ERP44: variants seen among roughly 807,000 people sequenced by gnomAD.
ERP44 encodes endoplasmic reticulum protein 44, also known as endoplasmic reticulum resident protein 44.
ERP44 carries 25 observed loss-of-function variants against 53.4 expected under a neutral mutation model. The ratio of observed to expected loss-of-function variants is 0.47; its 90% CI spans 0.34 to 0.65. The LOEUF (loss-of-function observed/expected upper bound fraction) is 0.65, where lower values mean the gene tolerates loss of function less well. Ranked by LOEUF, ERP44 falls within the 30% of genes least tolerant of loss-of-function variation. ERP44 has a pLI of 0.01. For synonymous variants in ERP44, 145 were observed against 161.2 expected (o/e 0.90, Z 0.76); for missense variants, 338 against 493.2 (o/e 0.69, Z 2.98).
At chr9:100,029,244 A>C (rs955399642) in intron 4 of ERP44, among the ~76,000 whole-genome samples, 8 of 152,240 alleles carry the variant, frequency 5.3e-5, no homozygotes, top group African/African-American at 1.9e-4. Flanking sequence ...CAGAGTGAAG[A>C]GGCAACCTGA....
chr9:100,097,069 T>C (rs1826641172), intron 1 of ERP44, among the ~76,000 whole-genome samples: 1 of 152,202 alleles, frequency 6.6e-6, no homozygotes, highest in Admixed American at 6.5e-5. Flanking sequence ...TATCTACAGG[T>C]ATTCTCTAAC....
intron 4 of ERP44, among the ~76,000 whole-genome samples, chr9:100,043,352 T>G (rs550687040): frequency 2.0e-5 from 3 of 146,946 alleles, no homozygotes; most frequent in Admixed American, 1.4e-4. Flanking sequence ...ACTAATTTAA[T>G]TGTACTTTTA....
At chr9:100,051,618 C>T (rs1826038318) in intron 4 of ERP44, among the ~76,000 whole-genome samples, 1 of 151,948 alleles carries the variant, frequency 6.6e-6, no homozygotes, top group African/African-American at 2.4e-5. Flanking sequence ...AAATTCCTGC[C>T]TTAATGAACA....
chr9:100,060,100 T>A lies in ERP44; in HGVS notation c.130A>T (p.Asn44Tyr). 6 of 1,463,490 alleles carry A rather than the reference T, an allele frequency of 4.1e-6. No homozygotes were observed. Among genetic ancestry groups the A allele is most frequent in the Non-Finnish European group, 5.4e-6 (6 of 1,106,916 alleles). The allele number at this position is 1,463,490 out of a possible 1,614,324, so 90.7% of individuals were successfully genotyped here. The stretch of plus-strand genomic sequence containing the variant: ...ACTTTAAAAATATTGAGGTACTTAC[T>A]TAAAATTTCATCTATATTCTCTGTA... ...LDTENIDEIL[N>Y]NADVALVNFY... The change falls in exon 2 of 12, where the codon AAC (asparagine) becomes TAC (tyrosine). Residue 44 changes from asparagine to tyrosine, a missense_variant and splice_region_variant. Physicochemically the swap from Asn to Tyr is moderately radical, Grantham distance 143. Around this residue, in one of 3 missense-constraint regions of ERP44, gnomAD observed 224 missense variants for 301.4 expected, o/e 0.74. Transcript: ENST00000262455.
chr9:100,095,670 A>G (rs1826619531), intron 1 of ERP44, among the ~76,000 whole-genome samples: 1 of 152,210 alleles, frequency 6.6e-6, no homozygotes, highest in South Asian at 2.1e-4. Context: ...TTGGGCCCCG[A>G]TATCATTTTA....
chr9:100,060,004 A>T, intron 2 of ERP44, 96 bp downstream of exon 2: 6 of 1,026,000 alleles, frequency 5.8e-6, no homozygotes, highest in Non-Finnish European at 7.7e-6. Context: ...CATCTGTGCT[A>T]GCTAACTGAG....
At chr9:100,074,480 G>A (rs1299653345) in intron 1 of ERP44, among the ~76,000 whole-genome samples, 1 of 152,132 alleles carries the variant, frequency 6.6e-6, no homozygotes, top group Non-Finnish European at 1.5e-5. Context: ...CTTGTAGGTC[G>A]AATGGACAAA....
chr9:99,998,813 T>A, intron 10 of ERP44: 1 of 1,069,590 alleles, frequency 9.3e-7, no homozygotes, highest in East Asian at 2.5e-5. Flanking sequence ...AATTCTCTGC[T>A]TTTCTAATTT....
At position 100,078,502 on chromosome 9, in the gene ERP44, C is replaced by T. The variant is rs1339008115; in HGVS notation, c.58-18330G>A. 2.2e-5 allele frequency among the ~76,000 whole-genome samples: 3 copies of T among 137,950 alleles called. 1 individual carries two copies. The highest frequency in any genetic ancestry group is 3.1e-5 in the Non-Finnish European group (2 of 65,564). The allele number at this position is 137,950 out of a possible 152,430, so 90.5% of individuals were successfully genotyped here. ...GGGTGCAGCGGCTCATGCCTGTAAT[C>T]CCAGCACTTTGGGAGGCAGTGGCAG... is the stretch of plus-strand genomic sequence containing the variant. On this transcript the variant is annotated intron_variant, in intron 1 of 11. Coordinates refer to ENST00000262455, the MANE Select transcript of ERP44 (RefSeq NM_015051.3).
intron 3 of ERP44, among the ~76,000 whole-genome samples, chr9:100,054,323 A>T (rs149009504): frequency 7.7e-4 from 117 of 152,312 alleles, no homozygotes; most frequent in African/African-American, 2.5e-3. Flanking sequence ...AGGTAGCTGG[A>T]GGGCAAGGGA....
intron 10 of ERP44, among the ~76,000 whole-genome samples, chr9:100,005,258 G>A (rs1210464624): frequency 6.6e-6 from 1 of 152,140 alleles, no homozygotes; most frequent in Non-Finnish European, 1.5e-5. Flanking sequence ...CAGAAATCCT[G>A]GATCAGGTAC....
At chr9:100,078,136 G>C (rs1384525561) in intron 1 of ERP44, among the ~76,000 whole-genome samples, 1 of 152,212 alleles carries the variant, frequency 6.6e-6, no homozygotes. Flanking sequence ...AAAAACGTTT[G>C]TGCATGTATG....
At position 100,065,309 on chromosome 9, in the gene ERP44, T is replaced by C. The variant is rs117761200; in HGVS notation, c.58-5137A>G. On this transcript the variant is annotated intron_variant, in intron 1 of 11. Transcript: ENST00000262455. ...CCTAAGAGTAATAGGCTATTCCATA[T>C]AGCCCAGATGTGTAGTAGGCTATAC... 1.3e-3 allele frequency among the ~76,000 whole-genome samples: 202 copies of C among 152,312 alleles called. 4 individuals carry two copies. In the East Asian group the frequency reaches 0.036, roughly 27 times the overall value.
chr9:100,032,706 T>G (rs1456408601), intron 4 of ERP44, among the ~76,000 whole-genome samples: 1 of 152,248 alleles, frequency 6.6e-6, no homozygotes. Context: ...ATAGTGGCTG[T>G]CCTAAGACTT....
chr9:100,068,526 TCAGCCCCCCGCCCGGC>T (rs1826258224), intron 1 of ERP44, among the ~76,000 whole-genome samples: 1 of 105,382 alleles, frequency 9.5e-6, no homozygotes, highest in African/African-American at 3.7e-5. Flanking sequence ...AGGTGGGGGT[TCAGCCCCCCGCCCGGC>T]CAGCCGCCCC....
At chr9:100,037,978 G>A (rs1288939200) in intron 4 of ERP44, among the ~76,000 whole-genome samples, 1 of 151,992 alleles carries the variant, frequency 6.6e-6, no homozygotes, top group African/African-American at 2.4e-5. Context: ...CCAGAATAGT[G>A]GGATAACATC....
chr9:100,092,249 A>G (rs1417276490), intron 1 of ERP44, among the ~76,000 whole-genome samples: 1 of 152,264 alleles, frequency 6.6e-6, no homozygotes, highest in Non-Finnish European at 1.5e-5. Flanking sequence ...GCAAGAGTCA[A>G]TATCAGATAA....
intron 4 of ERP44, among the ~76,000 whole-genome samples, chr9:100,027,573 T>C (rs1242410791): frequency 6.6e-6 from 1 of 152,176 alleles, no homozygotes; most frequent in Non-Finnish European, 1.5e-5. Context: ...ATAGATCAAA[T>C]GTTAAAATGG....
chr9:100,053,110 G>T (rs978394442), intron 3 of ERP44, among the ~76,000 whole-genome samples: 1 of 152,034 alleles, frequency 6.6e-6, no homozygotes, highest in Admixed American at 6.6e-5. Context: ...CACCTGGCTA[G>T]TTCTATCAAA....
Sources: gnomAD v4.1 joint callset for allele counts (sites outside exome capture counted in the v4.1 genomes callset) on GRCh38, gnomAD v4.1.1 for gene constraint, gnomAD v4.1.1 regional missense constraint, MANE v1.5 for transcripts, NCBI Gene and HGNC (gene_info 2026-07-23, HGNC 2026-07-21) for gene names.